DACH1: variants seen among roughly 807,000 people sequenced by gnomAD.
DACH1 encodes dachshund homolog 1.
Under a neutral mutation model 54.2 loss-of-function variants are expected in DACH1, and 12 were observed. The ratio of observed to expected loss-of-function variants is 0.22; its 90% CI spans 0.14 to 0.36. The LOEUF (loss-of-function observed/expected upper bound fraction) is 0.36, where lower values mean the gene tolerates loss of function less well. Ranked by LOEUF, DACH1 falls within the 10% of genes least tolerant of loss-of-function variation. DACH1 has a pLI of 1.00. For missense variants in DACH1, 805 were observed against 929.8 expected, an observed-to-expected ratio of 0.87 and a Z score of 1.75; for synonymous variants, 386 against 366.2, an observed-to-expected ratio of 1.05 and a Z score of -0.62.
intron 2 of DACH1, among the ~76,000 whole-genome samples, chr13:71,657,637 G>T (rs564831992): frequency 6.7e-6 from 1 of 149,352 alleles, no homozygotes; most frequent in East Asian, 2.0e-4. Context: ...GTGCTCATTT[G>T]ACTTTCTAGT....
intron 8 of DACH1, among the ~76,000 whole-genome samples, chr13:71,476,984 C>T (rs1207113122): frequency 6.9e-6 from 1 of 145,460 alleles, no homozygotes; most frequent in African/African-American, 2.5e-5. Flanking sequence ...TAAAGAACAG[C>T]AACATTTTTA....
At chr13:71,515,031 C>G (rs1881055393) in intron 6 of DACH1, among the ~76,000 whole-genome samples, 1 of 151,832 alleles carries the variant, frequency 6.6e-6, no homozygotes, top group Non-Finnish European at 1.5e-5. Context: ...TGATTTTGCA[C>G]AATGCACATA....
At chr13:71,666,176 AG>A (rs765917895) in intron 2 of DACH1, among the ~76,000 whole-genome samples, 4 of 152,154 alleles carry the variant, frequency 2.6e-5, no homozygotes, top group Admixed American at 6.5e-5. Context: ...TATATATAAA[AG>A]TAGTTGGAAT....
At chr13:71,827,956 C>A (rs1426436844) in intron 1 of DACH1, among the ~76,000 whole-genome samples, 1 of 151,916 alleles carries the variant, frequency 6.6e-6, no homozygotes, top group African/African-American at 2.4e-5. Flanking sequence ...CACATAAAAT[C>A]ATTTCCTATT....
Position 71,475,227 on chromosome 13 carries a change from T to C in DACH1, c.2015-18A>G, listed in dbSNP as rs1877411653. 1.9e-6 allele frequency: 3 copies of C among 1,606,424 alleles called. No homozygotes were observed. The highest frequency in any genetic ancestry group is 2.6e-6 in the Non-Finnish European group (3 of 1,173,094). ...CAGAGAGTCTAAAAGCACAGAAAGG[T>C]AAGAGTGACACATATTTCATTTGAT... On this transcript the variant is annotated intron_variant, in intron 9 of 10. Transcript: ENST00000613252.
chr13:71,630,620 G>C lies in DACH1; in HGVS notation c.1062C>G (p.Asn354Lys), dbSNP rs1485399946. 6.2e-7 allele frequency: 1 copy of C among 1,611,830 alleles called. No homozygotes were observed. The highest frequency in any genetic ancestry group is 1.7e-5 in the Admixed American group (1 of 59,332). ...CATGTTGGTTATTACTGGCATGATA[G>C]TTGCTCATGGCTTCTAATTTGATTT... ...VKKIKLEAMS[N>K]YHASNNQHGA... is the part of the protein sequence containing the mutation. The change falls in exon 3 of 11, where the codon AAC becomes AAG. Residue 354 changes from asparagine (N) to lysine (K), a missense_variant. Transcript: ENST00000613252.
At chr13:71,680,522 TGA>T (rs1880836718) in intron 2 of DACH1, among the ~76,000 whole-genome samples, 1 of 152,170 alleles carries the variant, frequency 6.6e-6, no homozygotes, top group Non-Finnish European at 1.5e-5. Flanking sequence ...GAGGATCTCT[TGA>T]GCTCAGGAGG....
At chr13:71,827,560 CA>C (rs1376189746) in intron 1 of DACH1, among the ~76,000 whole-genome samples, 2 of 151,984 alleles carry the variant, frequency 1.3e-5, no homozygotes, top group African/African-American at 4.8e-5. Context: ...GAGCTGAGAA[CA>C]AGGGAGTGAG....
intron 1 of DACH1, among the ~76,000 whole-genome samples, chr13:71,714,121 C>T (rs562277022): frequency 6.6e-6 from 1 of 152,098 alleles, no homozygotes; most frequent in South Asian, 2.1e-4. Context: ...TATATCATAT[C>T]TTCCTGAATA....
At chr13:71,622,512 T>C (rs1411504258) in intron 3 of DACH1, among the ~76,000 whole-genome samples, 5 of 151,938 alleles carry the variant, frequency 3.3e-5, no homozygotes, top group Non-Finnish European at 7.4e-5. Context: ...AAAAAAAGAA[T>C]TGTCTGATCT....
At chr13:71,495,807 G>C (rs1052183624) in intron 6 of DACH1, among the ~76,000 whole-genome samples, 1 of 152,006 alleles carries the variant, frequency 6.6e-6, no homozygotes. Flanking sequence ...ACCACTACTG[G>C]ATACCAGCCC....
chr13:71,657,755 A>T (rs1209529560), intron 2 of DACH1, among the ~76,000 whole-genome samples: 2 of 151,842 alleles, frequency 1.3e-5, no homozygotes, highest in Non-Finnish European at 2.9e-5. Context: ...TCTCTTTTTT[A>T]TGTCTGAGTA....
At chr13:71,618,650 C>T (rs543390947) in intron 3 of DACH1, among the ~76,000 whole-genome samples, 1 of 151,186 alleles carries the variant, frequency 6.6e-6, no homozygotes, top group East Asian at 1.9e-4. Context: ...GAAAAATAAA[C>T]CTAATTACAT....
intron 6 of DACH1, among the ~76,000 whole-genome samples, chr13:71,529,206 A>ATTT (rs1882237650): frequency 1.9e-5 from 1 of 52,170 alleles, no homozygotes; most frequent in African/African-American, 7.4e-5. Context: ...TTTTTTTTTG[A>ATTT]GGCAGAATCT....
At chr13:71,863,374 G>A (rs1286449867) in intron 1 of DACH1, among the ~76,000 whole-genome samples, 2 of 148,044 alleles carry the variant, frequency 1.4e-5, no homozygotes, top group Non-Finnish European at 3.0e-5. Flanking sequence ...GTTTGAGTAA[G>A]CTTTTTTAGT....
chr13:71,513,630 A>G (rs1880946551), intron 6 of DACH1, among the ~76,000 whole-genome samples: 1 of 152,078 alleles, frequency 6.6e-6, no homozygotes, highest in Non-Finnish European at 1.5e-5. Context: ...CCTCTTTGCC[A>G]TTTCAAAGTA....
chr13:71,508,773 A>G (rs376980171), intron 6 of DACH1, among the ~76,000 whole-genome samples: 4 of 152,096 alleles, frequency 2.6e-5, no homozygotes, highest in East Asian at 1.9e-4. Flanking sequence ...TGGCCAAATT[A>G]ATATTGTTAA....
chr13:71,807,419 CAAAA>C (rs10688170), intron 1 of DACH1, among the ~76,000 whole-genome samples: 1,772 of 99,672 alleles, frequency 0.018, 20 homozygotes, highest in Middle Eastern at 0.091. Flanking sequence ...TCACAGATTG[CAAAA>C]AAAAAAAAAA....
At chr13:71,535,323 T>G (rs1229518603) in intron 6 of DACH1, among the ~76,000 whole-genome samples, 2 of 151,868 alleles carry the variant, frequency 1.3e-5, no homozygotes, top group African/African-American at 4.8e-5. Context: ...TTTACAAAAT[T>G]TAAAATGTTC....
Sources: gnomAD v4.1 joint callset for allele counts (sites outside exome capture counted in the v4.1 genomes callset) on GRCh38, gnomAD v4.1.1 for gene constraint, MANE v1.5 for transcripts, NCBI Gene and HGNC (gene_info 2026-07-23, HGNC 2026-07-21) for gene names.